Variants in CA10 observed in about 807,000 individuals in gnomAD.
CA10 encodes the protein carbonic anhydrase 10 (inactive).
A neutral mutation model predicts 44.2 loss-of-function variants in CA10; 14 were observed. That is an observed-to-expected ratio of 0.32 (90% CI 0.21 to 0.50). CA10 has a LOEUF of 0.50. Among genes scored for constraint, CA10 ranks in the 20% least tolerant of loss-of-function variants. The pLI is 0.99. For synonymous variants in CA10, 159 were observed against 141.6 expected, an observed-to-expected ratio of 1.12 and a Z score of -0.87; for missense variants, 350 against 409.7, an observed-to-expected ratio of 0.85 and a Z score of 1.26.
At chr17:51,883,047 G>C (rs1980445967) in intron 3 of CA10, among the ~76,000 whole-genome samples, 1 of 152,174 alleles carries the variant, frequency 6.6e-6, no homozygotes, top group African/African-American at 2.4e-5. Flanking sequence ...TAAACTATTA[G>C]TGGTGGGTCA....
chr17:51,748,179 A>T (rs909633897), intron 3 of CA10, among the ~76,000 whole-genome samples: 3 of 152,230 alleles, frequency 2.0e-5, no homozygotes, highest in African/African-American at 7.2e-5. Context: ...GCTGTGAGAA[A>T]TTGGAGAAAG....
At chr17:51,639,300 G>A (rs887598220) in intron 6 of CA10, among the ~76,000 whole-genome samples, 2 of 152,094 alleles carry the variant, frequency 1.3e-5, no homozygotes, top group African/African-American at 2.4e-5. Context: ...TATTTTATTC[G>A]GGGCGGTGGG....
chr17:52,061,751 TTTC>T (rs1284798486), intron 2 of CA10, among the ~76,000 whole-genome samples: 1 of 152,104 alleles, frequency 6.6e-6, no homozygotes, highest in African/African-American at 2.4e-5. Context: ...TGATTGTGAG[TTTC>T]TTGAGGCCTC....
intron 3 of CA10, among the ~76,000 whole-genome samples, chr17:51,840,201 G>A (rs537241203): frequency 3.7e-4 from 56 of 152,260 alleles, no homozygotes; most frequent in Non-Finnish European, 6.9e-4. Context: ...ATTTAATACG[G>A]ACCCCACTAA....
intron 3 of CA10, among the ~76,000 whole-genome samples, chr17:51,885,075 T>C (rs553520471): frequency 1.4e-4 from 21 of 152,336 alleles, no homozygotes; most frequent in African/African-American, 4.8e-4. Context: ...GATTAGGGGT[T>C]CAACATATAT....
At chr17:51,983,357 C>A (rs1984717591) in intron 2 of CA10, among the ~76,000 whole-genome samples, 1 of 151,768 alleles carries the variant, frequency 6.6e-6, no homozygotes, top group Non-Finnish European at 1.5e-5. Flanking sequence ...TGTACACAAT[C>A]TCTCTCACAT....
At chr17:51,865,417 T>C (rs958727677) in intron 3 of CA10, among the ~76,000 whole-genome samples, 4 of 152,164 alleles carry the variant, frequency 2.6e-5, no homozygotes, top group African/African-American at 9.7e-5. Context: ...AACAGGGGGT[T>C]CCTCCTGCTG....
chr17:51,850,778 G>A (rs1185450369), intron 3 of CA10, among the ~76,000 whole-genome samples: 1 of 152,202 alleles, frequency 6.6e-6, no homozygotes, highest in Admixed American at 6.5e-5. Flanking sequence ...TTGAGCAAGT[G>A]AGTGAAGTTG....
At chr17:51,936,146 T>C (rs1476623833) in intron 2 of CA10, among the ~76,000 whole-genome samples, 3 of 152,144 alleles carry the variant, frequency 2.0e-5, no homozygotes. Flanking sequence ...GCATTAGGGT[T>C]GGCACTGAAA....
At chr17:51,943,361 A>C (rs1983156381) in intron 2 of CA10, among the ~76,000 whole-genome samples, 1 of 152,228 alleles carries the variant, frequency 6.6e-6, no homozygotes, top group Admixed American at 6.5e-5. Flanking sequence ...AGGAACTCTG[A>C]TATGGCACAA....
chr17:51,850,994 C>T (rs1598081139), intron 3 of CA10, among the ~76,000 whole-genome samples: 1 of 152,138 alleles, frequency 6.6e-6, no homozygotes, highest in African/African-American at 2.4e-5. Context: ...CAGTGCCTGC[C>T]CTGACCATTT....
intron 2 of CA10, among the ~76,000 whole-genome samples, chr17:52,036,392 G>T (rs928775840): frequency 2.6e-5 from 4 of 152,152 alleles, no homozygotes; most frequent in African/African-American, 7.2e-5. Context: ...CCAGAAGCTT[G>T]CAGTATAGTA....
chr17:52,109,502 G>A (rs757571683), intron 1 of CA10, among the ~76,000 whole-genome samples: 6 of 152,186 alleles, frequency 3.9e-5, no homozygotes, highest in African/African-American at 9.6e-5. Flanking sequence ...GGGAAACATC[G>A]TAGAAGGCTG....
At chr17:51,864,253 AT>A (rs145361970) in intron 3 of CA10, among the ~76,000 whole-genome samples, 8 of 151,844 alleles carry the variant, frequency 5.3e-5, no homozygotes, top group African/African-American at 1.4e-4. Flanking sequence ...AGGAAAGCCA[AT>A]TTTTTTTTAT....
At chr17:52,126,837 A>T (rs1989130546) in intron 1 of CA10, among the ~76,000 whole-genome samples, 1 of 152,216 alleles carries the variant, frequency 6.6e-6, no homozygotes, top group Non-Finnish European at 1.5e-5. Flanking sequence ...GTAGCTTTAT[A>T]AAGGATTAAT....
chr17:51,984,735 T>C (rs921901566), intron 2 of CA10, among the ~76,000 whole-genome samples: 2 of 151,880 alleles, frequency 1.3e-5, no homozygotes, highest in African/African-American at 4.8e-5. Flanking sequence ...ATGAACACCT[T>C]TATGCACATA....
At chr17:51,715,775 C>G (rs1916090997) in intron 4 of CA10, among the ~76,000 whole-genome samples, 1 of 152,130 alleles carries the variant, frequency 6.6e-6, no homozygotes, top group Non-Finnish European at 1.5e-5. Context: ...ACTGCAAACT[C>G]TGCCTCCTAG....
At chr17:52,134,894 C>T (rs760150130) in intron 1 of CA10, 2 of 518,990 alleles carry the variant, frequency 3.9e-6, no homozygotes, top group East Asian at 1.1e-4. Flanking sequence ...TCCCTCACCC[C>T]CACCATACAC....
At position 51,997,625 on chromosome 17, in the gene CA10, G is replaced by A. The variant is rs1207463666; in HGVS notation, c.137-66493C>T. On this transcript the variant is annotated intron_variant, in intron 2 of 8. Coordinates refer to ENST00000451037, the MANE Select transcript of CA10 (RefSeq NM_020178.5). ...GTTCTTCTCACACTCTCCAGGGGAT[G>A]GAAAACTCATCTGGAGGTAGAAGAG... Among the ~76,000 whole-genome samples the A allele has an allele frequency of 3.3e-5, 5 of 152,160 alleles. No individual in the cohort carries two copies. The South Asian group carries it at 1.0e-3, about 32-fold the overall frequency.
Sources: allele counts gnomAD v4.1 joint callset (sites outside exome capture counted in the v4.1 genomes callset), GRCh38; gene constraint gnomAD v4.1.1; transcripts MANE v1.5; gene names NCBI Gene and HGNC (gene_info 2026-07-23, HGNC 2026-07-21).